The following SEMA5A variants were observed in gnomAD, a reference collection of about 807,000 sequenced individuals.
The protein encoded by SEMA5A is semaphorin 5A.
A neutral mutation model predicts 135.5 loss-of-function variants in SEMA5A; 55 were observed. The ratio of observed to expected loss-of-function variants is 0.41; its 90% CI spans 0.33 to 0.51. The LOEUF is 0.51. Among genes scored for constraint, SEMA5A ranks in the 20% least tolerant of loss-of-function variants. The pLI is 0.37. For synonymous variants in SEMA5A, 580 were observed against 546.5 expected (o/e 1.06, Z -0.85); for missense variants, 1,290 against 1,419.9 (o/e 0.91, Z 1.47).
Position 9,360,257 on chromosome 5 carries a change from G to A in SEMA5A, c.124+19566C>T, listed in dbSNP as rs559571085. 5.9e-5 allele frequency among the ~76,000 whole-genome samples: 9 copies of A among 152,154 alleles called. No homozygotes were observed. In the South Asian group the frequency reaches 1.0e-3, roughly 18 times the overall value. ...ATAATGTGTACAGTGTTCTCCAGAG[G>A]GATGGGATTTGATTCTGTAGGTGAC... On this transcript the variant is annotated intron_variant, in intron 3 of 22. Coordinates refer to ENST00000382496, the MANE Select transcript of SEMA5A (RefSeq NM_003966.3).
At chr5:9,104,983 G>T (rs1049338535) in intron 16 of SEMA5A, among the ~76,000 whole-genome samples, 7 of 152,218 alleles carry the variant, frequency 4.6e-5, no homozygotes, top group South Asian at 2.1e-4. Flanking sequence ...GAGAAGGAAT[G>T]CCAGGGTCAC....
At chr5:9,460,520 C>G (rs1403104592) in intron 1 of SEMA5A, among the ~76,000 whole-genome samples, 1 of 151,902 alleles carries the variant, frequency 6.6e-6, no homozygotes, top group Non-Finnish European at 1.5e-5. Context: ...TTCAATCTGT[C>G]TACTATTAAA....
At chr5:9,119,380 G>C (rs893223866) in intron 14 of SEMA5A, among the ~76,000 whole-genome samples, 1 of 152,148 alleles carries the variant, frequency 6.6e-6, no homozygotes, top group Non-Finnish European at 1.5e-5. Flanking sequence ...AAAGTTTTAA[G>C]TGCACCATAA....
intron 12 of SEMA5A, among the ~76,000 whole-genome samples, chr5:9,141,271 A>G (rs1325277735): frequency 6.6e-6 from 1 of 152,202 alleles, no homozygotes. Context: ...TAATGCAGCC[A>G]TTGTGAAAGT....
chr5:9,356,269 C>T (rs575926343), intron 3 of SEMA5A, among the ~76,000 whole-genome samples: 1 of 152,296 alleles, frequency 6.6e-6, no homozygotes, highest in African/African-American at 2.4e-5. Flanking sequence ...TTCTGCCTTC[C>T]AGTCAACCCA....
intron 1 of SEMA5A, among the ~76,000 whole-genome samples, chr5:9,543,300 A>T (rs1364930397): frequency 6.6e-6 from 1 of 152,222 alleles, no homozygotes; most frequent in African/African-American, 2.4e-5. Context: ...AAGTTTGTAT[A>T]AATGTGCTTG....
chr5:9,457,266 C>T (rs2126719639), intron 1 of SEMA5A, among the ~76,000 whole-genome samples: 1 of 152,342 alleles, frequency 6.6e-6, no homozygotes, highest in Non-Finnish European at 1.5e-5. Context: ...AAAAGCTCCT[C>T]AGAGGAGTAG....
chr5:9,296,408 A>G (rs1751336644), intron 5 of SEMA5A, among the ~76,000 whole-genome samples: 1 of 152,176 alleles, frequency 6.6e-6, no homozygotes. Flanking sequence ...ATATATTTAT[A>G]ATGAGCCCTT....
intron 13 of SEMA5A, among the ~76,000 whole-genome samples, chr5:9,130,380 T>C (rs141646408): frequency 6.6e-6 from 1 of 152,344 alleles, no homozygotes; most frequent in African/African-American, 2.4e-5. Flanking sequence ...ATGTTAGATA[T>C]GCTCCTCGGG....
At chr5:9,351,795 T>C (rs893110606) in intron 3 of SEMA5A, among the ~76,000 whole-genome samples, 1 of 152,212 alleles carries the variant, frequency 6.6e-6, no homozygotes, top group African/African-American at 2.4e-5. Context: ...TCCAGACATA[T>C]GGACTAGCTA....
chr5:9,513,649 T>C (rs1736345655), intron 1 of SEMA5A, among the ~76,000 whole-genome samples: 1 of 152,198 alleles, frequency 6.6e-6, no homozygotes, highest in African/African-American at 2.4e-5. Context: ...TGTCTTAAAA[T>C]GCCAAGCAAC....
At position 9,473,382 on chromosome 5, in the gene SEMA5A, G is replaced by A. The variant is rs1293670157; in HGVS notation, c.-174-35530C>T. Among the ~76,000 whole-genome samples the A allele has an allele frequency of 1.7e-3, 3 of 1,774 alleles. No homozygotes were observed. In the South Asian group the frequency reaches 0.094, roughly 55 times the overall value. The allele number at this position is 1,774 out of a possible 152,430, so 1.2% of individuals were successfully genotyped here. ...TATTGGCTGCATATGGCAATCAGTG[G>A]TAAAAAAAAAAAAAAAAAAAAAGAC... On this transcript the variant is annotated intron_variant, in intron 1 of 22. Coordinates refer to ENST00000382496, the MANE Select transcript of SEMA5A (RefSeq NM_003966.3).
intron 16 of SEMA5A, among the ~76,000 whole-genome samples, chr5:9,086,452 TA>T (rs1250644544): frequency 1.3e-5 from 2 of 152,118 alleles, no homozygotes; most frequent in Non-Finnish European, 2.9e-5. Flanking sequence ...CTGATGGTTT[TA>T]AAAATGGGAG....
chr5:9,384,559 G>GATAC (rs1263120667), intron 2 of SEMA5A, among the ~76,000 whole-genome samples: 2 of 123,534 alleles, frequency 1.6e-5, no homozygotes, highest in Non-Finnish European at 3.4e-5. Flanking sequence ...TAGATAGATA[G>GATAC]ATAGATAGAT....
chr5:9,472,059 A>G (rs942073990), intron 1 of SEMA5A, among the ~76,000 whole-genome samples: 1 of 152,232 alleles, frequency 6.6e-6, no homozygotes, highest in African/African-American at 2.4e-5. Context: ...GGTTTGTTAC[A>G]TATGTATACA....
chr5:9,534,914 G>A lies in SEMA5A; in HGVS notation c.-175+10670C>T, dbSNP rs139204366. Reference sequence around the variant, plus strand: ...GCCTTTCAGGATTTCAATGGACAGGGCACATAACCACAGTGAAGCCTGACT... The same window carrying A: ...GCCTTTCAGGATTTCAATGGACAGGACACATAACCACAGTGAAGCCTGACT... On this transcript the variant is annotated intron_variant, in intron 1 of 22. Coordinates refer to ENST00000382496, the MANE Select transcript of SEMA5A (RefSeq NM_003966.3). Among the ~76,000 whole-genome samples, 185 of 152,270 alleles carry A rather than the reference G, an allele frequency of 1.2e-3. No homozygotes were observed. In the South Asian group the frequency reaches 0.015, roughly 12 times the overall value.
chr5:9,240,026 T>C (rs1406687395), intron 5 of SEMA5A, among the ~76,000 whole-genome samples: 3 of 151,936 alleles, frequency 2.0e-5, no homozygotes, highest in Admixed American at 1.3e-4. Context: ...ATTTTCAAGA[T>C]AAATATTGGC....
chr5:9,130,215 T>A (rs908941894), intron 13 of SEMA5A, among the ~76,000 whole-genome samples: 2 of 152,172 alleles, frequency 1.3e-5, no homozygotes, highest in Admixed American at 6.5e-5. Context: ...GTCCCTGGAG[T>A]TCATCTTTAG....
At chr5:9,210,458 T>C (rs891813680) in intron 8 of SEMA5A, among the ~76,000 whole-genome samples, 1 of 152,208 alleles carries the variant, frequency 6.6e-6, no homozygotes, top group Admixed American at 6.5e-5. Context: ...TATTGCACCA[T>C]GTATGCAAGG....
Sources: gnomAD v4.1 joint callset for allele counts (sites outside exome capture counted in the v4.1 genomes callset) on GRCh38, gnomAD v4.1.1 for gene constraint, MANE v1.5 for transcripts, NCBI Gene and HGNC (gene_info 2026-07-23, HGNC 2026-07-21) for gene names.